FARP1: variants seen among roughly 807,000 people sequenced by gnomAD.
FARP1 encodes the protein FERM, ARH/RhoGEF and pleckstrin domain protein 1.
In FARP1, 52 loss-of-function variants were observed where a neutral mutation model predicts 128.8. The ratio of observed to expected loss-of-function variants is 0.40; its 90% CI spans 0.32 to 0.51. The LOEUF is 0.51. FARP1 is among the 20% of genes least tolerant of loss of function. The pLI, the probability that FARP1 is intolerant of heterozygous loss-of-function variation, is 0.45. For synonymous variants in FARP1, 580 were observed against 551.8 expected, an observed-to-expected ratio of 1.05 and a Z score of -0.72; for missense variants, 1,333 against 1,367.9, an observed-to-expected ratio of 0.97 and a Z score of 0.40.
intron 2 of FARP1, among the ~76,000 whole-genome samples, chr13:98,314,142 A>G (rs963127314): frequency 5.9e-5 from 9 of 152,150 alleles, no homozygotes; most frequent in African/African-American, 2.2e-4. Flanking sequence ...ATCTTACGTC[A>G]GTGTTTGACA....
At chr13:98,393,763 C>CT in intron 12 of FARP1, 45 bp downstream of exon 12, 1 of 1,447,324 alleles carries the variant, frequency 6.9e-7, no homozygotes, top group Non-Finnish European at 9.7e-7. Context: ...TTTCCCCACA[C>CT]TTCCTCCACG....
At chr13:98,320,395 A>G (rs1886938095) in intron 2 of FARP1, among the ~76,000 whole-genome samples, 1 of 152,200 alleles carries the variant, frequency 6.6e-6, no homozygotes, top group African/African-American at 2.4e-5. Flanking sequence ...CCACTTGGGA[A>G]TAACACCTGT....
intron 2 of FARP1, among the ~76,000 whole-genome samples, chr13:98,213,688 CTAAG>C (rs1478276342): frequency 1.3e-5 from 2 of 152,156 alleles, no homozygotes; most frequent in Non-Finnish European, 2.9e-5. Flanking sequence ...TATATGTAAT[CTAAG>C]TGCATATGTA....
rs533873071 is a variant in FARP1 at position 98,320,114 on chromosome 13, G to A, written c.172-23648G>A. On this transcript the variant is annotated intron_variant, in intron 2 of 26. Coordinates refer to ENST00000319562, the MANE Select transcript of FARP1 (RefSeq NM_005766.4). ...CCGGGCTAGCTCTTCGGTGCCTGCCGTCTTCCCTTCATCTGCAGACCTGCA... is the reference window on the plus strand; with the variant it reads ...CCGGGCTAGCTCTTCGGTGCCTGCCATCTTCCCTTCATCTGCAGACCTGCA... Among the ~76,000 whole-genome samples, 9 of 152,254 alleles carry A rather than the reference G, an allele frequency of 5.9e-5. No individual in the cohort carries two copies. The Middle Eastern group carries it at 0.01, about 173-fold the overall frequency.
chr13:98,240,892 C>A (rs772107292), intron 2 of FARP1, among the ~76,000 whole-genome samples: 1 of 152,196 alleles, frequency 6.6e-6, no homozygotes, highest in Non-Finnish European at 1.5e-5. Flanking sequence ...CATTCCTTTA[C>A]GATCCGGCAT....
rs77995341 is a variant in FARP1 at position 98,423,601 on chromosome 13, G to A, written c.1827-971G>A. Among the ~76,000 whole-genome samples, 1,279 of 152,302 alleles carry A rather than the reference G, an allele frequency of 8.4e-3. 19 individuals carry two copies. The highest frequency in any genetic ancestry group is 0.029 in the African/African-American group (1,195 of 41,556). On this transcript the variant is annotated intron_variant, in intron 16 of 26. Transcript: ENST00000319562. Reference sequence around the variant, plus strand: ...CTATGCACTGGCACAACGGTTAGGCGTGTGGCCTGGGAAACTAGAGCTGGC... The same window carrying A: ...CTATGCACTGGCACAACGGTTAGGCATGTGGCCTGGGAAACTAGAGCTGGC...
intron 2 of FARP1, chr13:98,341,119 T>C (rs960439006): frequency 1.3e-5 from 2 of 149,282 alleles, no homozygotes; most frequent in Admixed American, 1.3e-4. Flanking sequence ...TGAGGGCGAA[T>C]GTGGGGGTGT....
chr13:98,284,932 C>T (rs1158497545), intron 2 of FARP1, among the ~76,000 whole-genome samples: 1 of 152,150 alleles, frequency 6.6e-6, no homozygotes, highest in African/African-American at 2.4e-5. Context: ...AAATGTCACT[C>T]CTGTTAACAG....
In FARP1 at chr13:98,252,102, C is replaced by A. The variant is rs113180996; in HGVS notation, c.171+38689C>A. 9.4e-3 allele frequency among the ~76,000 whole-genome samples: 1,438 copies of A among 152,302 alleles called. 22 individuals carry two copies. Among genetic ancestry groups the A allele is most frequent in the African/African-American group, 0.029 (1,199 of 41,552 alleles). ...ACTTCAAGTGATCTGCCCTCTTCGG[C>A]CTCCCAAAGTGCTGGGATTACAGGC... On this transcript the variant is annotated intron_variant, in intron 2 of 26. Coordinates refer to ENST00000319562, the MANE Select transcript of FARP1 (RefSeq NM_005766.4).
chr13:98,373,300 T>C (rs1180476862), intron 5 of FARP1, among the ~76,000 whole-genome samples: 2 of 152,122 alleles, frequency 1.3e-5, no homozygotes, highest in East Asian at 1.9e-4. Flanking sequence ...TGGTAAAATA[T>C]TCAGAATGTA....
intron 23 of FARP1, 99 bp from the exon 24 acceptor site, chr13:98,440,571 A>G: frequency 7.9e-7 from 1 of 1,272,260 alleles, no homozygotes; most frequent in Non-Finnish European, 1.1e-6. Flanking sequence ...ACAGGTTGTG[A>G]CTGCTGTGAG....
chr13:98,383,402 G>A (rs768454956), intron 6 of FARP1, among the ~76,000 whole-genome samples: 6 of 152,206 alleles, frequency 3.9e-5, no homozygotes, highest in Non-Finnish European at 8.8e-5. Flanking sequence ...AGCGAGGGAG[G>A]GAGGGGTTCT....
intron 2 of FARP1, among the ~76,000 whole-genome samples, chr13:98,342,949 G>A (rs865909400): frequency 1.3e-5 from 2 of 151,948 alleles, no homozygotes; most frequent in African/African-American, 2.4e-5. Flanking sequence ...AGTTGAACCC[G>A]GGAGGTGGAG....
At chr13:98,445,792 ACCCTGC>A in intron 24 of FARP1, 1 of 254,872 alleles carries the variant, frequency 3.9e-6, no homozygotes. Flanking sequence ...TTCACTAGTT[ACCCTGC>A]AACGAGCCTA....
At chr13:98,150,894 GA>G (rs1875949915) in intron 1 of FARP1, among the ~76,000 whole-genome samples, 1 of 151,920 alleles carries the variant, frequency 6.6e-6, no homozygotes, top group African/African-American at 2.4e-5. Flanking sequence ...AGGATTATGG[GA>G]AAAAATGTTT....
chr13:98,218,120 C>A (rs1881194720), intron 2 of FARP1, among the ~76,000 whole-genome samples: 1 of 151,742 alleles, frequency 6.6e-6, no homozygotes, highest in South Asian at 2.1e-4. Flanking sequence ...CTTGGCCCGG[C>A]CCTCCCCCAC....
rs1259136367 is a variant in FARP1 at position 98,446,686 on chromosome 13, C to A, written c.2925C>A (p.Ser975Arg). ...KSHQDNHPLA[S>R]LPLLGYSLTI... ...TCCAGGACAATCATCCCCTTGCCAG[C>A]CTGCCTCTGCTCGGCTACTCGCTCA... Residue 975 changes from serine (S) to arginine (R), a missense_variant, in exon 26 of 27, where the codon AGC becomes AGA. Coordinates refer to ENST00000319562, the MANE Select transcript of FARP1 (RefSeq NM_005766.4). The A allele has an allele frequency of 6.2e-7, 1 of 1,614,016 alleles. No homozygotes were observed. The highest frequency in any genetic ancestry group is 8.5e-7 in the Non-Finnish European group (1 of 1,180,016).
At chr13:98,256,297 A>C (rs1197507188) in intron 2 of FARP1, among the ~76,000 whole-genome samples, 1 of 152,224 alleles carries the variant, frequency 6.6e-6, no homozygotes, top group East Asian at 1.9e-4. Flanking sequence ...GGTTTTTAAA[A>C]AAGTTATCAA....
intron 1 of FARP1, among the ~76,000 whole-genome samples, chr13:98,190,026 T>A (rs2139231241): frequency 6.6e-6 from 1 of 152,356 alleles, no homozygotes; most frequent in South Asian, 2.1e-4. Flanking sequence ...TTGTCTTCTG[T>A]TCTTGGCCAG....
Sources: allele counts gnomAD v4.1 joint callset (sites outside exome capture counted in the v4.1 genomes callset), GRCh38; gene constraint gnomAD v4.1.1; transcripts MANE v1.5; gene names NCBI Gene and HGNC (gene_info 2026-07-23, HGNC 2026-07-21).